The following SRRM4 variants were observed in gnomAD, a reference collection of about 807,000 sequenced individuals.
SRRM4 encodes serine/arginine repetitive matrix protein 4.
SRRM4 carries 33 observed loss-of-function variants against 68.9 expected under a neutral mutation model. The ratio of observed to expected loss-of-function variants is 0.48; its 90% CI spans 0.36 to 0.64. The LOEUF (loss-of-function observed/expected upper bound fraction) is 0.64. Among genes scored for constraint, SRRM4 ranks in the 30% least tolerant of loss-of-function variants. SRRM4 has a pLI of 0.00. For synonymous variants in SRRM4, 318 were observed against 318.8 expected (o/e 1.00, Z 0.03); for missense variants, 817 against 827.1 (o/e 0.99, Z 0.15).
chr12:119,025,180 A>T (rs1250986079), intron 1 of SRRM4, among the ~76,000 whole-genome samples: 3 of 151,574 alleles, frequency 2.0e-5, no homozygotes, highest in Admixed American at 6.6e-5. Flanking sequence ...AGGAGAAAGA[A>T]CATTTACATT....
At chr12:119,129,998 T>C (rs1411155282) in intron 7 of SRRM4, among the ~76,000 whole-genome samples, 3 of 151,188 alleles carry the variant, frequency 2.0e-5, no homozygotes, top group Non-Finnish European at 4.4e-5. Context: ...GATGGATGGA[T>C]GGATGGATGG....
At chr12:119,014,047 A>G (rs998352393) in intron 1 of SRRM4, among the ~76,000 whole-genome samples, 1 of 152,084 alleles carries the variant, frequency 6.6e-6, no homozygotes, top group Non-Finnish European at 1.5e-5. Flanking sequence ...AAGCTCTTTC[A>G]TCTATCCATT....
intron 1 of SRRM4, among the ~76,000 whole-genome samples, chr12:119,084,911 T>C (rs996930564): frequency 6.6e-6 from 1 of 152,190 alleles, no homozygotes; most frequent in Non-Finnish European, 1.5e-5. Context: ...ATTTCTTTAT[T>C]TATTTGAGAC....
chr12:119,029,310 TG>T (rs779489745), intron 1 of SRRM4, among the ~76,000 whole-genome samples: 1 of 152,188 alleles, frequency 6.6e-6, no homozygotes, highest in Non-Finnish European at 1.5e-5. Flanking sequence ...TTGAAGGCGC[TG>T]GGTATGCTAA....
chr12:119,150,084 T>G (rs1274656953), intron 9 of SRRM4, among the ~76,000 whole-genome samples: 1 of 152,210 alleles, frequency 6.6e-6, no homozygotes, highest in Non-Finnish European at 1.5e-5. Context: ...ACCATATCCA[T>G]GTACTACTGA....
intron 1 of SRRM4, among the ~76,000 whole-genome samples, chr12:119,030,253 C>T (rs1953579816): frequency 6.6e-6 from 1 of 152,152 alleles, no homozygotes; most frequent in Admixed American, 6.5e-5. Context: ...GGGTATGACA[C>T]AGGATGGGAA....
intron 1 of SRRM4, among the ~76,000 whole-genome samples, chr12:119,017,867 C>T (rs1432438130): frequency 1.3e-5 from 2 of 152,158 alleles, no homozygotes; most frequent in African/African-American, 4.8e-5. Context: ...TCCACGCTGC[C>T]CATCTTCTAA....
intron 1 of SRRM4, among the ~76,000 whole-genome samples, chr12:119,011,685 G>T (rs1185089087): frequency 2.6e-5 from 4 of 152,196 alleles, no homozygotes; most frequent in Non-Finnish European, 5.9e-5. Flanking sequence ...CATGGGTTTG[G>T]GGCGTGGCAG....
At chr12:119,134,497 G>A (rs1954316760) in intron 8 of SRRM4, among the ~76,000 whole-genome samples, 1 of 151,986 alleles carries the variant, frequency 6.6e-6, no homozygotes, top group Non-Finnish European at 1.5e-5. Context: ...TTTGTAATCA[G>A]GGCTGGGATT....
At chr12:119,024,701 A>G (rs1250884369) in intron 1 of SRRM4, among the ~76,000 whole-genome samples, 1 of 152,208 alleles carries the variant, frequency 6.6e-6, no homozygotes, top group African/African-American at 2.4e-5. Flanking sequence ...TCTAAACCCA[A>G]GGATGGCCAG....
Position 119,156,889 on chromosome 12 carries a change from T to C in SRRM4, c.*91T>C. On this transcript the variant is annotated 3_prime_UTR_variant, in exon 13 of 13. Transcript: ENST00000267260. ...TCCCCGCCTTCTTGGTGACAAATAG[T>C]GAGGGCTCCTATACCTTGTCCTTCC... The C allele has an allele frequency of 7.1e-7, 1 of 1,411,446 alleles. No homozygotes were observed. The highest frequency in any genetic ancestry group is 9.3e-7 in the Non-Finnish European group (1 of 1,070,836). 87.4% of individuals were successfully genotyped at this position (1,411,446 alleles called of 1,614,324 possible).
At chr12:119,113,916 A>G (rs1309611206) in intron 2 of SRRM4, among the ~76,000 whole-genome samples, 1 of 152,172 alleles carries the variant, frequency 6.6e-6, no homozygotes. Context: ...GACACGATAT[A>G]TTGGGGAGGG....
rs113171859 is a variant in SRRM4 at position 118,991,137 on chromosome 12, C to G, written c.131+9124C>G. Among the ~76,000 whole-genome samples, 297 of 152,310 alleles carry G rather than the reference C, an allele frequency of 1.9e-3. 3 individuals carry two copies. The highest frequency in any genetic ancestry group is 6.5e-3 in the African/African-American group (272 of 41,564). On this transcript the variant is annotated intron_variant, in intron 1 of 12. Coordinates refer to ENST00000267260, the MANE Select transcript of SRRM4 (RefSeq NM_194286.4). Reference sequence around the variant, plus strand: ...TTTTTAAGTATACAGAGCCAGCTCCCTGCCATGGCCTCTAGCCTCTTCATG... The same window carrying G: ...TTTTTAAGTATACAGAGCCAGCTCCGTGCCATGGCCTCTAGCCTCTTCATG...
chr12:119,090,063 T>C (rs1448442609), intron 1 of SRRM4, among the ~76,000 whole-genome samples: 1 of 152,128 alleles, frequency 6.6e-6, no homozygotes, highest in African/African-American at 2.4e-5. Context: ...CCAGTTTCTC[T>C]GTTGACAAGG....
intron 1 of SRRM4, among the ~76,000 whole-genome samples, chr12:119,072,410 C>T (rs1953883527): frequency 6.6e-6 from 1 of 152,150 alleles, no homozygotes; most frequent in Admixed American, 6.5e-5. Flanking sequence ...ACTATTAGTC[C>T]TGATCTCTCA....
intron 9 of SRRM4, among the ~76,000 whole-genome samples, chr12:119,146,171 G>C (rs1304316537): frequency 6.6e-6 from 1 of 152,122 alleles, no homozygotes. Flanking sequence ...GCCATCACTA[G>C]GGCTAATGAG....
At chr12:118,991,101 G>A (rs537738968) in intron 1 of SRRM4, among the ~76,000 whole-genome samples, 120 of 152,222 alleles carry the variant, frequency 7.9e-4, no homozygotes, top group Non-Finnish European at 1.4e-3. Flanking sequence ...CACCATGCCT[G>A]GACCCATGTT....
At chr12:119,034,868 A>G (rs1953616280) in intron 1 of SRRM4, among the ~76,000 whole-genome samples, 1 of 152,192 alleles carries the variant, frequency 6.6e-6, no homozygotes, top group Non-Finnish European at 1.5e-5. Context: ...AAAAATTCAT[A>G]TAATAGACTT....
At chr12:119,050,647 G>C (rs1594044521) in intron 1 of SRRM4, among the ~76,000 whole-genome samples, 1 of 152,202 alleles carries the variant, frequency 6.6e-6, no homozygotes, top group South Asian at 2.1e-4. Flanking sequence ...CTAACAGTTT[G>C]GTAAGAACAA....
Sources: gnomAD v4.1 joint callset for allele counts (sites outside exome capture counted in the v4.1 genomes callset) on GRCh38, gnomAD v4.1.1 for gene constraint, MANE v1.5 for transcripts, NCBI Gene and HGNC (gene_info 2026-07-23, HGNC 2026-07-21) for gene names.